Variants in SLCO4A1 observed in about 807,000 individuals in gnomAD.
SLCO4A1 encodes colon organic anion transporter.
A neutral mutation model predicts 64.6 loss-of-function variants in SLCO4A1; 51 were observed. The ratio of observed to expected loss-of-function variants is 0.79; its 90% CI spans 0.63 to 1.00. The LOEUF is 1.00. Among genes scored for constraint, SLCO4A1 ranks in the 50% least tolerant of loss-of-function variants. The probability of loss-of-function intolerance (pLI) is 0.00; values close to 1 mark genes in which losing one functional copy is unlikely to be tolerated. For missense variants in SLCO4A1, 919 were observed against 980.5 expected (o/e 0.94, Z 0.84); for synonymous variants, 471 against 444.9 (o/e 1.06, Z -0.74).
At chr20:62,652,061 C>T in intron 1 of SLCO4A1, 1 of 147,768 alleles carries the variant, frequency 6.8e-6, no homozygotes, top group East Asian at 2.0e-4. Context: ...ACCCCCCACC[C>T]CCGCTCGGCC....
chr20:62,645,033 G>C lies in SLCO4A1; in HGVS notation c.-97+2480G>C, dbSNP rs1255509747. Among the ~76,000 whole-genome samples, 1 of 152,266 alleles carries C rather than the reference G, an allele frequency of 6.6e-6. No homozygotes were observed. The highest frequency in any genetic ancestry group is 2.4e-5 in the African/African-American group (1 of 41,474). ...ATTTGCAAGTGGCAAGGTGCACACTGTTGGCTTTTGGACAAGGACATGGGA... is the reference window on the plus strand; with the variant it reads ...ATTTGCAAGTGGCAAGGTGCACACTCTTGGCTTTTGGACAAGGACATGGGA... On this transcript the variant is annotated intron_variant, in intron 1 of 11. Transcript: ENST00000217159. The surrounding 1 kb of genome is among the most constrained non-coding windows in gnomAD (Gnocchi z 4.2).
At chr20:62,664,307 C>T (rs761519422) in intron 5 of SLCO4A1, among the ~76,000 whole-genome samples, 3 of 152,182 alleles carry the variant, frequency 2.0e-5, no homozygotes, top group Non-Finnish European at 2.9e-5. Flanking sequence ...TAGCCAGGTC[C>T]GTCTACCCAG....
chr20:62,674,582 A>T (rs764952325), downstream of SLCO4A1, among the ~76,000 whole-genome samples: 1 of 152,108 alleles, frequency 6.6e-6, no homozygotes, highest in Non-Finnish European at 1.5e-5. Context: ...CTCACAGATG[A>T]CGATTCCAAG....
chr20:62,684,329 C>A (rs2147118052), intron 2 of SLCO4A1, among the ~76,000 whole-genome samples: 1 of 152,338 alleles, frequency 6.6e-6, no homozygotes, highest in East Asian at 1.9e-4. Flanking sequence ...ATAGGAAGTG[C>A]AGTACATGTG....
intron 2 of SLCO4A1, among the ~76,000 whole-genome samples, chr20:62,658,290 C>T (rs544148152): frequency 6.6e-6 from 1 of 152,366 alleles, no homozygotes; most frequent in East Asian, 1.9e-4. Context: ...CTTCCAAATC[C>T]CGGCCTGTGG....
At chr20:62,677,416 C>T (rs890227827) in intron 2 of SLCO4A1, among the ~76,000 whole-genome samples, 6 of 152,182 alleles carry the variant, frequency 3.9e-5, no homozygotes, top group Non-Finnish European at 4.4e-5. Context: ...TGTTCCATAA[C>T]TTTCTGGTGT....
intron 1 of SLCO4A1, chr20:62,649,824 C>G (rs1454122138): frequency 6.6e-6 from 1 of 152,334 alleles, no homozygotes; most frequent in African/African-American, 2.4e-5. Context: ...TCACCTGCAT[C>G]TGGCCTCATC....
chr20:62,677,028 A>G (rs558824055), downstream of SLCO4A1, among the ~76,000 whole-genome samples: 40 of 152,378 alleles, frequency 2.6e-4, no homozygotes, highest in African/African-American at 8.7e-4. Flanking sequence ...GCTCAGTGAA[A>G]GAAGCCAGAC....
intron 1 of SLCO4A1, among the ~76,000 whole-genome samples, chr20:62,642,770 G>A (rs1454685547): frequency 6.6e-6 from 1 of 152,158 alleles, no homozygotes; most frequent in East Asian, 1.9e-4. Context: ...GCTTCCCGCC[G>A]CCGGCTGCGC....
intron 2 of SLCO4A1, among the ~76,000 whole-genome samples, chr20:62,681,600 A>G (rs1987837232): frequency 2.0e-5 from 3 of 152,158 alleles, no homozygotes; most frequent in South Asian, 2.1e-4. Context: ...GTGATGTTTT[A>G]TCTTCTGTGC....
rs73141628 is a variant in SLCO4A1 at position 62,644,609 on chromosome 20, C to T, written c.-97+2056C>T. Among the ~76,000 whole-genome samples the T allele has an allele frequency of 0.04, 6,079 of 152,312 alleles. 169 individuals carry two copies. The highest frequency in any genetic ancestry group is 0.076 in the African/African-American group (3,171 of 41,572). On this transcript the variant is annotated intron_variant, in intron 1 of 11. Transcript: ENST00000217159. The surrounding 1 kb of genome is among the most constrained non-coding windows in gnomAD (Gnocchi z 5.4). Reference sequence around the variant, plus strand: ...CCCCATTGCAGTTTTGGCTCCAGGTCGGTCTGACTTCCAAATGGCAAAATT... The same window carrying T: ...CCCCATTGCAGTTTTGGCTCCAGGTTGGTCTGACTTCCAAATGGCAAAATT...
Position 62,658,701 on chromosome 20 carries a change from T to G in SLCO4A1, c.821T>G (p.Leu274Arg). 6.2e-7 allele frequency: 1 copy of G among 1,612,038 alleles called. No homozygotes were observed. The highest frequency in any genetic ancestry group is 8.5e-7 in the Non-Finnish European group (1 of 1,179,520). Reference sequence around the variant, plus strand: ...GCCATCTTCTACACAGCGGCCATCCTGGGCCCAGCTGCCGGCTACCTGATT... The same window carrying G: ...GCCATCTTCTACACAGCGGCCATCCGGGGCCCAGCTGCCGGCTACCTGATT... ...YIAIFYTAAI[L>R]GPAAGYLIGG... The change falls in exon 3 of 12, where the codon CTG becomes CGG. Residue 274 changes from leucine (L) to arginine (R), a missense_variant. Coordinates refer to ENST00000217159, the MANE Select transcript of SLCO4A1 (RefSeq NM_016354.4).
chr20:62,667,560 T>C, intron 7 of SLCO4A1, 185 bp from the exon 8 acceptor site: 1 of 660,290 alleles, frequency 1.5e-6, no homozygotes, highest in Non-Finnish European at 2.6e-6. Flanking sequence ...GGAAAAACCA[T>C]TCTATCACCA....
At position 62,644,146 on chromosome 20, in the gene SLCO4A1, G is replaced by C. The variant is rs1980895784; in HGVS notation, c.-97+1593G>C. Among the ~76,000 whole-genome samples, 1 of 152,226 alleles carries C rather than the reference G, an allele frequency of 6.6e-6. No homozygotes were observed. Among genetic ancestry groups the C allele is most frequent in the African/African-American group, 2.4e-5 (1 of 41,466 alleles). On this transcript the variant is annotated intron_variant, in intron 1 of 11. Coordinates refer to ENST00000217159, the MANE Select transcript of SLCO4A1 (RefSeq NM_016354.4). This position sits in a 1 kb window ranked among gnomAD's most constrained non-coding sequence, Gnocchi z 5.4. ...TGTTCTGGGTTGTCAGTGATCGCAG[G>C]ACACCAGTAGGATGTTGCTCGGGCC... is the stretch of plus-strand genomic sequence containing the variant.
chr20:62,684,888 G>T (rs536167387), intron 2 of SLCO4A1, among the ~76,000 whole-genome samples: 28 of 152,238 alleles, frequency 1.8e-4, no homozygotes, highest in African/African-American at 6.7e-4. Context: ...CTGCAGCAAC[G>T]ACCCGACCAC....
At chr20:62,677,840 C>A (rs1987663644) in intron 2 of SLCO4A1, among the ~76,000 whole-genome samples, 1 of 152,226 alleles carries the variant, frequency 6.6e-6, no homozygotes, top group Non-Finnish European at 1.5e-5. Context: ...CGCTCTGGCA[C>A]CAGCTGTCAG....
chr20:62,666,616 A>C, intron 7 of SLCO4A1, 41 bp downstream of exon 7: 1 of 1,553,502 alleles, frequency 6.4e-7, no homozygotes, highest in Non-Finnish European at 8.8e-7. Context: ...CGGGGCCCCA[A>C]GCACCCGCGG....
At chr20:62,664,602 G>A (rs945457507) in intron 5 of SLCO4A1, among the ~76,000 whole-genome samples, 5 of 152,180 alleles carry the variant, frequency 3.3e-5, no homozygotes, top group African/African-American at 1.2e-4. Flanking sequence ...CCTAATCAGG[G>A]ACTGCAGCTT....
In SLCO4A1 at chr20:62,685,045, G is replaced by A. The variant is rs1988005672; in HGVS notation, n.212-396G>A. Among the ~76,000 whole-genome samples, 1 of 152,124 alleles carries A rather than the reference G, an allele frequency of 6.6e-6. No homozygotes were observed. The highest frequency in any genetic ancestry group is 2.4e-5 in the African/African-American group (1 of 41,406). ...GACCAGTAATGGGGCGGATTAGCAGGGGCCAAGGGTCTGGGGTGAGGCCAC... is the reference window on the plus strand; with the variant it reads ...GACCAGTAATGGGGCGGATTAGCAGAGGCCAAGGGTCTGGGGTGAGGCCAC... On this transcript the variant is annotated intron_variant and non_coding_transcript_variant, in intron 2 of 2. Coordinates refer to the SLCO4A1 transcript ENST00000466818. This position sits in a 1 kb window ranked among gnomAD's most constrained non-coding sequence, Gnocchi z 4.6.
Sources: allele counts gnomAD v4.1 joint callset (sites outside exome capture counted in the v4.1 genomes callset), GRCh38; gene constraint gnomAD v4.1.1; non-coding constraint Gnocchi (gnomAD v3.1); transcripts MANE v1.5; gene names NCBI Gene and HGNC (gene_info 2026-07-23, HGNC 2026-07-21).